The following PITRM1 variants were observed in gnomAD, a reference collection of about 807,000 sequenced individuals.
PITRM1 encodes presequence protease, mitochondrial.
Under a neutral mutation model 129.9 loss-of-function variants are expected in PITRM1, and 100 were observed. The ratio of observed to expected loss-of-function variants is 0.77; its 90% confidence interval spans 0.65 to 0.91. The LOEUF (loss-of-function observed/expected upper bound fraction) is 0.91. PITRM1 is among the 40% of genes least tolerant of loss of function. The pLI, the probability that PITRM1 is intolerant of heterozygous loss-of-function variation, is 0.00. For synonymous variants in PITRM1, 591 were observed against 508.8 expected (o/e 1.16, Z -2.17); for missense variants, 1,471 against 1,318.3 (o/e 1.12, Z -1.79).
At position 3,137,768 on chromosome 10, in the gene PITRM1, T is replaced by C. The variant is rs1839679292; in HGVS notation, c.*263A>G. 4 of 478,778 alleles carry C rather than the reference T, an allele frequency of 8.4e-6. No individual in the cohort carries two copies. Among genetic ancestry groups the C allele is most frequent in the Admixed American group, 6.8e-5 (2 of 29,300 alleles). The allele number at this position is 478,778 out of a possible 1,614,324, so 29.7% of individuals were successfully genotyped here. On this transcript the variant is annotated 3_prime_UTR_variant, in exon 27 of 27. Coordinates refer to ENST00000224949, the MANE Select transcript of PITRM1 (RefSeq NM_014889.4). ...CCTTTATTTTTAGATTCTTAAATAT[T>C]CTAGAATGAGGTAAAACGAGCCTGC...
chr10:3,153,535 C>T (rs79305312), intron 14 of PITRM1, among the ~76,000 whole-genome samples: 3,649 of 152,014 alleles, frequency 0.024, 144 homozygotes, highest in East Asian at 0.15. Context: ...GAGAAAATGA[C>T]GTGAATCCGG....
intron 14 of PITRM1, 45 bp from the exon 15 acceptor site, chr10:3,151,408 A>G (rs1841507366): frequency 8.8e-7 from 1 of 1,131,096 alleles, no homozygotes; most frequent in African/African-American, 1.5e-5. Context: ...CCATAATTAA[A>G]AGGTTTGATG....
intron 8 of PITRM1, 107 bp downstream of exon 8, chr10:3,160,097 C>G: frequency 7.5e-7 from 1 of 1,340,130 alleles, no homozygotes; most frequent in Admixed American, 2.0e-5. Flanking sequence ...CTCTCCCATA[C>G]TCTGTACCAA....
chr10:3,147,807 T>TG (rs2132397700), intron 18 of PITRM1, 70 bp from the exon 19 acceptor site: 1 of 1,425,870 alleles, frequency 7.0e-7, no homozygotes, highest in Non-Finnish European at 9.5e-7. Context: ...CATGGAAAGT[T>TG]GATTAAGTTT....
At chr10:3,172,791 G>A (rs972536831), upstream of PITRM1, 10 of 1,493,116 alleles carry the variant, frequency 6.7e-6, no homozygotes, top group Admixed American at 4.4e-5. Flanking sequence ...ACGAGCACCT[G>A]GCTGGCGAGG....
rs1221087684 is a variant in PITRM1 at position 3,158,161 on chromosome 10, A to G, written c.1137-8T>C. The G allele has an allele frequency of 4.0e-6, 6 of 1,495,280 alleles. No homozygotes were observed. Among genetic ancestry groups the G allele is most frequent in the South Asian group, 3.4e-5 (3 of 87,120 alleles). 92.6% of individuals were successfully genotyped at this position (1,495,280 alleles called of 1,614,324 possible). A position where few individuals can be genotyped will look rare whatever the true frequency, so the allele number is the denominator to read the frequency against. Reference sequence around the variant, plus strand: ...CTCGTGTAGCCATTATATCTAGAAGACAAAACCAGAAATGATGCACTGGAA... The same window carrying G: ...CTCGTGTAGCCATTATATCTAGAAGGCAAAACCAGAAATGATGCACTGGAA... On this transcript the variant is annotated splice_polypyrimidine_tract_variant and splice_region_variant and intron_variant, in intron 10 of 26. Coordinates refer to ENST00000224949, the MANE Select transcript of PITRM1 (RefSeq NM_014889.4).
chr10:3,138,178 T>C (rs1839761953), intron 26 of PITRM1, 54 bp from the exon 27 acceptor site: 5 of 1,572,434 alleles, frequency 3.2e-6, no homozygotes, highest in Non-Finnish European at 4.4e-6. Context: ...TGAGCGCTGT[T>C]AGAGTCAGCA....
chr10:3,155,930 T>C (rs1354758877), intron 13 of PITRM1, among the ~76,000 whole-genome samples: 1 of 152,188 alleles, frequency 6.6e-6, no homozygotes, highest in Non-Finnish European at 1.5e-5. Flanking sequence ...CCACCATACC[T>C]GCCTATGTAG....
intron 10 of PITRM1, among the ~76,000 whole-genome samples, chr10:3,158,591 C>G (rs1842166636): frequency 6.6e-6 from 1 of 152,122 alleles, no homozygotes; most frequent in Non-Finnish European, 1.5e-5. Context: ...CTGTAAGAGA[C>G]AACAGCATGA....
chr10:3,150,391 C>T (rs1182471202), intron 15 of PITRM1, among the ~76,000 whole-genome samples: 4 of 151,870 alleles, frequency 2.6e-5, no homozygotes, highest in African/African-American at 9.7e-5. Context: ...TCGAGTTCCA[C>T]TCACATGCGC....
chr10:3,149,680 C>T lies in PITRM1; in HGVS notation c.1812G>A (p.Leu604=). ...GMVYFRAFSS[L]NTLPEELRPY... is the part of the protein sequence containing the mutation. ...GCCTCAGCTCCTCGGGGAGTGTGTT[C>T]AGGCTGGAGAAGGCCCGGAAATACA... The change falls in exon 16 of 27, where the codon CTG becomes CTA. Residue 604 remains leucine (L), a synonymous_variant. Transcript: ENST00000224949. The T allele has an allele frequency of 6.2e-7, 1 of 1,609,546 alleles. No homozygotes were observed.
At chr10:3,155,389 A>G (rs1374778522) in intron 14 of PITRM1, among the ~76,000 whole-genome samples, 3 of 152,204 alleles carry the variant, frequency 2.0e-5, no homozygotes, top group South Asian at 2.1e-4. Flanking sequence ...CTTCTTTTCA[A>G]TGACTCCTGC....
At chr10:3,139,831 C>T (rs901553159) in intron 24 of PITRM1, among the ~76,000 whole-genome samples, 7 of 152,190 alleles carry the variant, frequency 4.6e-5, no homozygotes, top group African/African-American at 1.7e-4. Flanking sequence ...CGGCTGGCTC[C>T]TTCTTAAAAA....
At position 3,166,389 on chromosome 10, in the gene PITRM1, G is replaced by GAGAGAGGAATGGCACGCTAGGGAAGGC; in HGVS notation, c.267-10_267-9insGCCTTCCCTAGCGTGCCATTCCTCTCT. ...TAGTACGGAACTGCACGCTAGGGAA[G>GAGAGAGGAATGGCACGCTAGGGAAGGC]GAGAATGACCAGAACGCAAAAGGTT... On this transcript the variant is annotated splice_polypyrimidine_tract_variant and intron_variant, in intron 3 of 26. Transcript: ENST00000224949. The GAGAGAGGAATGGCACGCTAGGGAAGGC allele has an allele frequency of 7.3e-7, 1 of 1,375,456 alleles. No homozygotes were observed. The highest frequency in any genetic ancestry group is 1.0e-6 in the Non-Finnish European group (1 of 979,344). 85.2% of individuals were successfully genotyped at this position (1,375,456 alleles called of 1,614,324 possible).
intron 14 of PITRM1, among the ~76,000 whole-genome samples, chr10:3,151,982 A>G (rs1051689302): frequency 2.0e-5 from 3 of 152,120 alleles, no homozygotes; most frequent in Non-Finnish European, 2.9e-5. Flanking sequence ...CTTGACCTCA[A>G]GTGATCCTCC....
At chr10:3,163,074 G>A (rs1317749913) in intron 7 of PITRM1, 1 of 152,138 alleles carries the variant, frequency 6.6e-6, no homozygotes, top group African/African-American at 2.4e-5. Context: ...CTTCAGCAAG[G>A]GAAAGGATAT....
chr10:3,145,909 C>T, intron 20 of PITRM1, 193 bp from the exon 21 acceptor site: 1 of 580,046 alleles, frequency 1.7e-6, no homozygotes, highest in South Asian at 2.0e-5. Context: ...GAGATTTCCG[C>T]ACAGTTCAAT....
At position 3,145,702 on chromosome 10, in the gene PITRM1, G is replaced by A. The variant is rs566589608; in HGVS notation, c.2351C>T (p.Ala784Val). Reference protein sequence around the residue: ...NGDNMRCSVNATPQQMPQTEK... With the variant: ...NGDNMRCSVNVTPQQMPQTEK... ...TGTCTGAGGCATCTGCTGAGGAGTC[G>A]CATTCACTGAACACCTGTTTGAAAA... is the stretch of plus-strand genomic sequence containing the variant. The change falls in exon 21 of 27, where the codon GCG (alanine) becomes GTG (valine). Residue 784 changes from alanine to valine, a missense_variant. By Grantham distance (64) the Ala-to-Val change is moderately conservative. Coordinates refer to ENST00000224949, the MANE Select transcript of PITRM1 (RefSeq NM_014889.4). 37 of 1,548,298 alleles carry A rather than the reference G, an allele frequency of 2.4e-5. No individual in the cohort carries two copies. The East Asian group carries it at 2.9e-4, about 12-fold the overall frequency.
At chr10:3,159,776 C>T (rs2132467962) in intron 9 of PITRM1, 72 bp downstream of exon 9, 1 of 878,918 alleles carries the variant, frequency 1.1e-6, no homozygotes, top group South Asian at 1.5e-5. Flanking sequence ...GTAGAACTCA[C>T]TTCCGAACCT....
Sources: gnomAD v4.1 joint callset for allele counts (sites outside exome capture counted in the v4.1 genomes callset) on GRCh38, gnomAD v4.1.1 for gene constraint, MANE v1.5 for transcripts, NCBI Gene and HGNC (gene_info 2026-07-23, HGNC 2026-07-21) for gene names.